The following HEMK2 variants were observed in gnomAD, a reference collection of about 807,000 sequenced individuals.
The protein encoded by HEMK2 is HemK methyltransferase 2, ETF1 glutamine and histone H4 lysine, also known as methyltransferase HEMK2.
chr21:28,844,798 A>G, the HEMK2 span, among the ~76,000 whole-genome samples: 2 of 151,756 alleles, frequency 1.3e-5, no homozygotes, highest in Non-Finnish European at 2.9e-5. Context: ...TTTCCTTATT[A>G]TAACAAACTT....
the HEMK2 span, among the ~76,000 whole-genome samples, chr21:28,811,615 G>C: frequency 1.3e-5 from 2 of 152,132 alleles, no homozygotes; most frequent in Admixed American, 6.6e-5. Flanking sequence ...TTTGGGAGTA[G>C]CTTATCCTCA....
At chr21:28,612,938 C>T in the HEMK2 span, among the ~76,000 whole-genome samples, 1 of 152,096 alleles carries the variant, frequency 6.6e-6, no homozygotes, top group Non-Finnish European at 1.5e-5. Flanking sequence ...TCATAGATGA[C>T]ACAAACATAT....
chr21:28,663,192 T>C, the HEMK2 span, among the ~76,000 whole-genome samples: 1 of 152,148 alleles, frequency 6.6e-6, no homozygotes, highest in Admixed American at 6.6e-5. Context: ...AATTTCCTAC[T>C]AAAAGAGAAA....
the HEMK2 span, among the ~76,000 whole-genome samples, chr21:28,767,290 T>C: frequency 2.0e-5 from 3 of 151,934 alleles, no homozygotes; most frequent in Admixed American, 6.6e-5. Flanking sequence ...GTCTCGGGTA[T>C]GTCTTTTTCA....
chr21:28,603,549 A>ATATG, the HEMK2 span, among the ~76,000 whole-genome samples: 13 of 135,734 alleles, frequency 9.6e-5, no homozygotes, highest in Non-Finnish European at 1.6e-4. Context: ...GAGGATATAT[A>ATATG]TGTGTGTGTG....
the HEMK2 span, among the ~76,000 whole-genome samples, chr21:28,743,939 C>T: frequency 0.011 from 1,664 of 152,270 alleles, 25 homozygotes; most frequent in African/African-American, 0.038. Flanking sequence ...GCATCCTTTA[C>T]AGAAACGTGG....
the HEMK2 span, among the ~76,000 whole-genome samples, chr21:28,715,263 G>A: frequency 6.6e-6 from 1 of 151,932 alleles, no homozygotes; most frequent in African/African-American, 2.4e-5. Context: ...CCAGCAGTGT[G>A]TAAGCATTCT....
chr21:28,737,888 G>C, the HEMK2 span, among the ~76,000 whole-genome samples: 1 of 152,202 alleles, frequency 6.6e-6, no homozygotes, highest in Non-Finnish European at 1.5e-5. Flanking sequence ...AAGAATGCAA[G>C]GATGAGAGGA....
At chr21:28,689,416 G>A in the HEMK2 span, among the ~76,000 whole-genome samples, 1 of 151,786 alleles carries the variant, frequency 6.6e-6, no homozygotes, top group Admixed American at 6.6e-5. Context: ...TTTCTTTTTT[G>A]TCTTTTTTTT....
the HEMK2 span, among the ~76,000 whole-genome samples, chr21:28,662,646 AT>A: frequency 1.3e-5 from 2 of 152,114 alleles, no homozygotes; most frequent in South Asian, 2.1e-4. Flanking sequence ...TGTTCTCGTA[AT>A]AGTGAGTGAC....
At chr21:28,739,174 T>C in the HEMK2 span, among the ~76,000 whole-genome samples, 1 of 152,178 alleles carries the variant, frequency 6.6e-6, no homozygotes, top group Non-Finnish European at 1.5e-5. Context: ...CTGACCCCAT[T>C]TGATGACCTG....
chr21:28,607,402 C>T, the HEMK2 span, among the ~76,000 whole-genome samples: 1 of 151,892 alleles, frequency 6.6e-6, no homozygotes, highest in African/African-American at 2.4e-5. Flanking sequence ...TACAGCGAGA[C>T]TCCATCTCAA....
chr21:28,853,688 T>C, the HEMK2 span, among the ~76,000 whole-genome samples: 1 of 152,204 alleles, frequency 6.6e-6, no homozygotes, highest in Non-Finnish European at 1.5e-5. Context: ...TCAGGCAATG[T>C]AGGGTTTATC....
chr21:28,763,353 A>C, the HEMK2 span, among the ~76,000 whole-genome samples: 1 of 152,176 alleles, frequency 6.6e-6, no homozygotes. Flanking sequence ...AAGCTGAAGC[A>C]GGAACAAGCA....
At chr21:28,720,424 C>A in the HEMK2 span, among the ~76,000 whole-genome samples, 1 of 152,166 alleles carries the variant, frequency 6.6e-6, no homozygotes. Flanking sequence ...CCAGAACAGA[C>A]AGTAATGTTA....
chr21:28,613,457 A>G, the HEMK2 span, among the ~76,000 whole-genome samples: 395 of 152,162 alleles, frequency 2.6e-3, 6 homozygotes, highest in Non-Finnish European at 1.1e-3. Context: ...ATTAAATAAA[A>G]TAAAATAGGA....
At chr21:28,870,055 A>G in the HEMK2 span, among the ~76,000 whole-genome samples, 1 of 152,044 alleles carries the variant, frequency 6.6e-6, no homozygotes, top group African/African-American at 2.4e-5. Context: ...TTTTTTGTTT[A>G]TCATTATGTT....
At chr21:28,789,279 A>G in the HEMK2 span, among the ~76,000 whole-genome samples, 21 of 152,118 alleles carry the variant, frequency 1.4e-4, no homozygotes, top group Admixed American at 3.9e-4. Flanking sequence ...ACTGCTTTCT[A>G]TAGGTTTGAG....
At chr21:28,848,937 A>G in the HEMK2 span, among the ~76,000 whole-genome samples, 1 of 152,142 alleles carries the variant, frequency 6.6e-6, no homozygotes, top group East Asian at 1.9e-4. Context: ...TGCCACTGGT[A>G]TGAGTGCACG....
Sources: allele counts gnomAD v4.1 joint callset (sites outside exome capture counted in the v4.1 genomes callset), GRCh38; gene constraint gnomAD v4.1.1; transcripts MANE v1.5; gene names NCBI Gene and HGNC (gene_info 2026-07-23, HGNC 2026-07-21).